The following CEP63 variants were observed in gnomAD, a reference collection of about 807,000 sequenced individuals.
CEP63 encodes the protein centrosomal protein 63.
In CEP63, 84 loss-of-function variants were observed where a neutral mutation model predicts 89.1. That is an observed-to-expected ratio of 0.94 (90% CI 0.79 to 1.13). The LOEUF is 1.13. Ranked by LOEUF, CEP63 falls within the 50% of genes most tolerant of loss-of-function variation. The pLI, the probability that CEP63 is intolerant of heterozygous loss-of-function variation, is 0.00. For synonymous variants in CEP63, 267 were observed against 272.5 expected (o/e 0.98, Z 0.20); for missense variants, 838 against 813.3 (o/e 1.03, Z -0.37).
intron 3 of CEP63, among the ~76,000 whole-genome samples, chr3:134,522,479 T>A (rs988025070): frequency 2.0e-5 from 3 of 152,150 alleles, no homozygotes; most frequent in African/African-American, 7.2e-5. Flanking sequence ...AAATTTAAAT[T>A]TTATTTTAAA....
At chr3:134,486,526 G>A (rs1935460732) in intron 1 of CEP63, 1 of 985,806 alleles carries the variant, frequency 1.0e-6, no homozygotes, top group Admixed American at 6.1e-5. Context: ...TCGGAGTCCA[G>A]GTGGCTGGGG....
At chr3:134,641,001 G>C in the CEP63 span, among the ~76,000 whole-genome samples, 2 of 152,090 alleles carry the variant, frequency 1.3e-5, no homozygotes, top group Admixed American at 1.3e-4. Flanking sequence ...TGGCTCTTCT[G>C]CTACCCCCAC....
At chr3:134,710,034 G>C in the CEP63 span, among the ~76,000 whole-genome samples, 1 of 152,240 alleles carries the variant, frequency 6.6e-6, no homozygotes, top group African/African-American at 2.4e-5. Context: ...TGTGGAAACT[G>C]TTGTGGCCAT....
At chr3:134,610,501 T>C in the CEP63 span, 1 of 852,112 alleles carries the variant, frequency 1.2e-6, no homozygotes, top group South Asian at 1.7e-5. Context: ...GTCTATCCTT[T>C]TCCTTGCTTC....
At chr3:134,499,585 G>A (rs576219613) in intron 2 of CEP63, among the ~76,000 whole-genome samples, 18 of 151,982 alleles carry the variant, frequency 1.2e-4, no homozygotes, top group African/African-American at 4.3e-4. Flanking sequence ...GCTACTCGAA[G>A]TGCATCGTTA....
the CEP63 span, among the ~76,000 whole-genome samples, chr3:134,742,425 G>A: frequency 6.6e-6 from 1 of 152,150 alleles, no homozygotes; most frequent in Admixed American, 6.5e-5. Flanking sequence ...GAGGTGGGTG[G>A]GGCCGGGATT....
intron 3 of CEP63, among the ~76,000 whole-genome samples, chr3:134,528,569 C>CGCGTGTGTGTGTGT (rs1553763957): frequency 2.7e-5 from 4 of 147,024 alleles, no homozygotes; most frequent in African/African-American, 1.0e-4. Context: ...TGTGTGTGTG[C>CGCGTGTGTGTGTGT]GTGTGTGTGT....
chr3:134,735,301 T>C, the CEP63 span, among the ~76,000 whole-genome samples: 1 of 152,138 alleles, frequency 6.6e-6, no homozygotes, highest in African/African-American at 2.4e-5. Context: ...GGATGTACTA[T>C]ATTGTTGATT....
At chr3:134,567,699 G>A (rs913858485), downstream of CEP63, among the ~76,000 whole-genome samples, 7 of 152,186 alleles carry the variant, frequency 4.6e-5, no homozygotes, top group Non-Finnish European at 1.0e-4. Context: ...GGGGCAGAGG[G>A]CCAGGGGCCT....
downstream of CEP63, among the ~76,000 whole-genome samples, chr3:134,579,773 C>T (rs1958300677): frequency 6.6e-6 from 1 of 152,132 alleles, no homozygotes. Flanking sequence ...AGTGGCATTA[C>T]TCATAATAGC....
intron 2 of CEP63, among the ~76,000 whole-genome samples, chr3:134,504,875 C>G (rs1269883737): frequency 6.6e-6 from 1 of 152,024 alleles, no homozygotes; most frequent in African/African-American, 2.4e-5. Flanking sequence ...TTCAGAAATT[C>G]TCGTACTTGT....
the CEP63 span, among the ~76,000 whole-genome samples, chr3:134,678,500 C>T: frequency 1.1e-4 from 16 of 152,304 alleles, no homozygotes; most frequent in South Asian, 3.1e-3. Context: ...CCAGCCCTCA[C>T]CAGCTGCTCA....
chr3:134,629,786 A>G, the CEP63 span: 8 of 796,858 alleles, frequency 1.0e-5, 1 homozygote, highest in Non-Finnish European at 1.1e-5. Flanking sequence ...AAAAACAATT[A>G]GTTTTAGAAC....
At chr3:134,774,055 C>A in the CEP63 span, among the ~76,000 whole-genome samples, 1 of 152,142 alleles carries the variant, frequency 6.6e-6, no homozygotes, top group Non-Finnish European at 1.5e-5. Flanking sequence ...AACAGCTTTG[C>A]CTTACTGATG....
chr3:134,777,581 G>T, the CEP63 span, among the ~76,000 whole-genome samples: 1 of 147,878 alleles, frequency 6.8e-6, no homozygotes, highest in African/African-American at 2.5e-5. Context: ...TTCACTTTCG[G>T]TAGACTTCAA....
chr3:134,593,349 G>T, the CEP63 span, among the ~76,000 whole-genome samples: 1 of 152,178 alleles, frequency 6.6e-6, no homozygotes, highest in Non-Finnish European at 1.5e-5. Flanking sequence ...TGTACCATAT[G>T]TTAGCTCATT....
chr3:134,524,481 A>G (rs994945655), intron 3 of CEP63, among the ~76,000 whole-genome samples: 10 of 151,980 alleles, frequency 6.6e-5, no homozygotes, highest in Non-Finnish European at 1.0e-4. Flanking sequence ...AAGGGTTTCC[A>G]GCTTTTGCCC....
chr3:134,613,457 GCT>G, the CEP63 span, among the ~76,000 whole-genome samples: 2 of 152,320 alleles, frequency 1.3e-5, no homozygotes, highest in South Asian at 4.1e-4. Flanking sequence ...CACCTGTACT[GCT>G]CTGAGTGGGG....
chr3:134,653,485 T>C, the CEP63 span, among the ~76,000 whole-genome samples: 1 of 152,188 alleles, frequency 6.6e-6, no homozygotes, highest in African/African-American at 2.4e-5. Context: ...CAGCCTAGCT[T>C]CTGGGGCCTG....
Sources: allele counts gnomAD v4.1 joint callset (sites outside exome capture counted in the v4.1 genomes callset), GRCh38; gene constraint gnomAD v4.1.1; transcripts MANE v1.5; gene names NCBI Gene and HGNC (gene_info 2026-07-23, HGNC 2026-07-21).